ZFPM1: variants seen among roughly 807,000 people sequenced by gnomAD.
ZFPM1 encodes the protein zinc finger protein ZFPM1.
A neutral mutation model predicts 46.3 loss-of-function variants in ZFPM1; 28 were observed. That is an observed-to-expected ratio of 0.60 (90% CI 0.45 to 0.83). The LOEUF (loss-of-function observed/expected upper bound fraction) is 0.83. Ranked by LOEUF, ZFPM1 falls within the 40% of genes least tolerant of loss-of-function variation. The pLI, the probability that ZFPM1 is intolerant of heterozygous loss-of-function variation, is 0.00. For synonymous variants in ZFPM1, 957 were observed against 675.9 expected (o/e 1.42, Z -6.45); for missense variants, 1,878 against 1,432.4 (o/e 1.31, Z -5.02).
At position 88,534,920 on chromosome 16, in the gene ZFPM1, A is replaced by G; in HGVS notation, c.2962A>G (p.Thr988Ala). 6.4e-7 allele frequency: 1 copy of G among 1,551,966 alleles called. No individual in the cohort carries two copies. The highest frequency in any genetic ancestry group is 8.7e-7 in the Non-Finnish European group (1 of 1,151,134). Reference sequence around the variant, plus strand: ...CAACATCAAGTTCAGCAGCCTGTCCACCTTCATCGCCCACAAGAAGTATTA... The same window carrying G: ...CAACATCAAGTTCAGCAGCCTGTCCGCCTTCATCGCCCACAAGAAGTATTA... ...LCNIKFSSLSTFIAHKKYYCS... is the reference protein window; with the variant it reads ...LCNIKFSSLSAFIAHKKYYCS... The change falls in exon 10 of 10, where the codon ACC (threonine) becomes GCC (alanine). Residue 988 changes from threonine (T) to alanine (A), a missense_variant. Thr to Ala is a moderately conservative substitution (Grantham distance 58, BLOSUM62 0). Coordinates refer to ENST00000319555, the MANE Select transcript of ZFPM1 (RefSeq NM_153813.3).
chr16:88,471,428 AC>A lies in ZFPM1; in HGVS notation c.41-14507del, dbSNP rs774377223. 6.7e-5 allele frequency among the ~76,000 whole-genome samples: 10 copies of A among 148,884 alleles called. No homozygotes were observed. The highest frequency in any genetic ancestry group is 1.3e-4 in the Non-Finnish European group (9 of 67,678). On this transcript the variant is annotated intron_variant, in intron 1 of 9. Transcript: ENST00000319555. The surrounding 1 kb of genome is among the most constrained non-coding windows in gnomAD (Gnocchi z 4.1). ...TCCCACGCATAGTGGGGGGGCCAAG[AC>A]CCCAAGATGACCATGGCTGCGGTGG...
intron 3 of ZFPM1, among the ~76,000 whole-genome samples, chr16:88,512,612 C>T (rs987295711): frequency 6.6e-6 from 1 of 152,146 alleles, no homozygotes; most frequent in African/African-American, 2.4e-5. Flanking sequence ...CACGAAGCTC[C>T]AAGCGTTTCT....
chr16:88,483,522 T>C (rs1326540595), intron 1 of ZFPM1, among the ~76,000 whole-genome samples: 1 of 149,614 alleles, frequency 6.7e-6, no homozygotes, highest in Non-Finnish European at 1.5e-5. Flanking sequence ...CACTGTTCCC[T>C]CCGAGATCTA....
rs543497182 is a variant in ZFPM1 at position 88,505,850 on chromosome 16, G to A, written c.269-8537G>A. Among the ~76,000 whole-genome samples, 234 of 152,242 alleles carry A rather than the reference G, an allele frequency of 1.5e-3. No individual in the cohort carries two copies. In the Middle Eastern group the frequency reaches 0.02, roughly 13 times the overall value. ...CCACCTCTAGCAGAGAGAGAGCCTC[G>A]GCAGGTGCAGCCGCCGGCAGGGCCC... is the stretch of plus-strand genomic sequence containing the variant. On this transcript the variant is annotated intron_variant, in intron 3 of 9. Coordinates refer to ENST00000319555, the MANE Select transcript of ZFPM1 (RefSeq NM_153813.3).
In ZFPM1 at chr16:88,533,361, A is replaced by C; in HGVS notation, c.1403A>C (p.Glu468Ala). 1 of 1,530,526 alleles carries C rather than the reference A, an allele frequency of 6.5e-7. No individual in the cohort carries two copies. The highest frequency in any genetic ancestry group is 2.5e-5 in the East Asian group (1 of 39,928). The allele number at this position is 1,530,526 out of a possible 1,614,324, so 94.8% of individuals were successfully genotyped here. A position where few individuals can be genotyped will look rare whatever the true frequency, so the allele number is the denominator to read the frequency against. ...AGGAGCATCAAGGTGGAGGCGGTGG[A>C]GGAGCCGGAGGCGGCCCCCATCCTG... ...APRSIKVEAV[E>A]EPEAAPILGP... The change falls in exon 10 of 10, where the codon GAG (glutamate) becomes GCG (alanine). Residue 468 changes from glutamate (E) to alanine (A), a missense_variant. Glu to Ala is a moderately radical substitution (Grantham distance 107). Coordinates refer to ENST00000319555, the MANE Select transcript of ZFPM1 (RefSeq NM_153813.3).
chr16:88,533,221 G>T lies in ZFPM1; in HGVS notation c.1263G>T (p.Ala421=). ...GPLASADLGL[A]PTPSPGLDRK... ...TGGCCTCCGCGGACCTGGGCCTGGCGCCCACCCCATCGCCAGGACTGGACA... is the reference window on the plus strand; with the variant it reads ...TGGCCTCCGCGGACCTGGGCCTGGCTCCCACCCCATCGCCAGGACTGGACA... Residue 421 remains alanine (A), a synonymous_variant, in exon 10 of 10, where the codon GCG becomes GCT. Transcript: ENST00000319555. 6.4e-7 allele frequency: 1 copy of T among 1,562,336 alleles called. No individual in the cohort carries two copies. The highest frequency in any genetic ancestry group is 1.9e-5 in the Admixed American group (1 of 53,516).
At position 88,533,584 on chromosome 16, in the gene ZFPM1, C is replaced by T. The variant is rs1912985982; in HGVS notation, c.1626C>T (p.Ile542=). Residue 542 remains isoleucine (I), a synonymous_variant, in exon 10 of 10, where the codon ATC becomes ATT. Coordinates refer to ENST00000319555, the MANE Select transcript of ZFPM1 (RefSeq NM_153813.3). The stretch of plus-strand genomic sequence containing the variant: ...ACGCGGCGCCCCCCGCCTCGGAGAT[C>T]CTGGCCAAGATGTCCGAGCTGGTGC... ...GPDAAPPASE[I]LAKMSELVHS... 1.3e-6 allele frequency: 2 copies of T among 1,500,706 alleles called. No homozygotes were observed. The highest frequency in any genetic ancestry group is 1.2e-5 in the South Asian group (1 of 82,446). The allele number at this position is 1,500,706 out of a possible 1,614,324, so 93.0% of individuals were successfully genotyped here.
chr16:88,465,969 G>C lies in ZFPM1; in HGVS notation c.40+12291G>C, dbSNP rs532645325. 2.6e-5 allele frequency among the ~76,000 whole-genome samples: 4 copies of C among 152,326 alleles called. No individual in the cohort carries two copies. In the South Asian group the frequency reaches 6.2e-4, roughly 24 times the overall value. ...GGGTGCCAAGGGGCCCGCCGTGCAC[G>C]GGGGAAACCAAGGCCACGCAGCTAC... On this transcript the variant is annotated intron_variant, in intron 1 of 9. Coordinates refer to ENST00000319555, the MANE Select transcript of ZFPM1 (RefSeq NM_153813.3).
At position 88,514,519 on chromosome 16, in the gene ZFPM1, C is replaced by G; in HGVS notation, c.401C>G (p.Pro134Arg). The G allele has an allele frequency of 6.4e-7, 1 of 1,557,130 alleles. No individual in the cohort carries two copies. The highest frequency in any genetic ancestry group is 8.7e-7 in the Non-Finnish European group (1 of 1,151,354). Residue 134 changes from proline to arginine, a missense_variant and splice_region_variant, in exon 4 of 10, where the codon CCG becomes CGG. Physicochemically the swap from Pro to Arg is moderately radical, Grantham distance 103. Transcript: ENST00000319555. Reference sequence around the variant, plus strand: ...GCCTCATCCCCCAGGCAGGCGGAGCCGGTAAGAAGCCCCCATCCCCGCCCC... The same window carrying G: ...GCCTCATCCCCCAGGCAGGCGGAGCGGGTAAGAAGCCCCCATCCCCGCCCC... ...TRASSPRQAE[P>R]SPALTLLLVD...
intron 6 of ZFPM1, among the ~76,000 whole-genome samples, chr16:88,528,628 G>C (rs1170452861): frequency 1.3e-5 from 2 of 152,196 alleles, no homozygotes; most frequent in Non-Finnish European, 2.9e-5. Flanking sequence ...CACAGTGGAG[G>C]TGTCCCTGGA....
At chr16:88,482,772 C>A (rs1219344194) in intron 1 of ZFPM1, among the ~76,000 whole-genome samples, 1 of 152,206 alleles carries the variant, frequency 6.6e-6, no homozygotes, top group African/African-American at 2.4e-5. Context: ...TCCTGGGCAG[C>A]CCCTCCCAGC....
chr16:88,517,774 ATGGATGGATGAATGAATGGGTGGG>A (rs1911442484), intron 4 of ZFPM1, among the ~76,000 whole-genome samples: 2 of 120,694 alleles, frequency 1.7e-5, no homozygotes, highest in Non-Finnish European at 3.3e-5. Context: ...GGGTGGGTAG[ATGGATGGATGAATGAATGGGTGGG>A]TGGCTGAAAG....
chr16:88,519,549 A>AGGAT (rs373170487), intron 4 of ZFPM1, among the ~76,000 whole-genome samples: 53 of 109,802 alleles, frequency 4.8e-4, no homozygotes, highest in African/African-American at 1.0e-3. Context: ...GGTGGCTGAA[A>AGGAT]GGATGGATGG....
intron 1 of ZFPM1, among the ~76,000 whole-genome samples, chr16:88,465,315 G>GC (rs753903347): frequency 1.3e-5 from 2 of 152,266 alleles, no homozygotes; most frequent in Non-Finnish European, 2.9e-5. Context: ...AGTAACCGTG[G>GC]CCCACAGGCC....
In ZFPM1 at chr16:88,533,189, G is replaced by C. The variant is rs773743791; in HGVS notation, c.1231G>C (p.Gly411Arg). Residue 411 changes from glycine to arginine, a missense_variant, in exon 10 of 10, where the codon GGC becomes CGC. By Grantham distance (125) the Gly-to-Arg change is moderately radical. Coordinates refer to ENST00000319555, the MANE Select transcript of ZFPM1 (RefSeq NM_153813.3). ...CCAGCAGCAGCACACGGCCCTGCAA[G>C]GCCCCCTGGCCTCCGCGGACCTGGG... ...SFQQQHTALQ[G>R]PLASADLGLA... 2 of 1,533,136 alleles carry C rather than the reference G, an allele frequency of 1.3e-6. No homozygotes were observed. Among genetic ancestry groups the C allele is most frequent in the Non-Finnish European group, 1.7e-6 (2 of 1,149,912 alleles). The allele number at this position is 1,533,136 out of a possible 1,614,324, so 95.0% of individuals were successfully genotyped here.
intron 2 of ZFPM1, among the ~76,000 whole-genome samples, chr16:88,486,315 A>G (rs1909221564): frequency 1.3e-5 from 2 of 152,230 alleles, no homozygotes; most frequent in Non-Finnish European, 2.9e-5. Context: ...CAGATGGGGC[A>G]GGTCTGGCCC....
intron 1 of ZFPM1, 74 bp from the exon 2 acceptor site, chr16:88,485,865 T>C (rs1167463532): frequency 1.4e-6 from 2 of 1,447,216 alleles, no homozygotes; most frequent in Admixed American, 1.8e-5. Flanking sequence ...GCTGTACCTA[T>C]GCCAGGAGGG....
At position 88,533,473 on chromosome 16, in the gene ZFPM1, C is replaced by T; in HGVS notation, c.1515C>T (p.Ser505=). 7.1e-7 allele frequency: 1 copy of T among 1,409,928 alleles called. No homozygotes were observed. Among genetic ancestry groups the T allele is most frequent in the Non-Finnish European group, 9.2e-7 (1 of 1,089,574 alleles). The allele number at this position is 1,409,928 out of a possible 1,614,324, so 87.3% of individuals were successfully genotyped here. ...CGGCCAGGGTCAAGGCCGAGCTGTCCAGCCCCACGCCGGGCTCCAGCCCGG... is the reference window on the plus strand; with the variant it reads ...CGGCCAGGGTCAAGGCCGAGCTGTCTAGCCCCACGCCGGGCTCCAGCCCGG... ...PAPARVKAEL[S]SPTPGSSPVP... Residue 505 remains serine, a synonymous_variant, in exon 10 of 10, where the codon TCC becomes TCT. Coordinates refer to ENST00000319555, the MANE Select transcript of ZFPM1 (RefSeq NM_153813.3).
At chr16:88,481,453 C>T (rs1027814723) in intron 1 of ZFPM1, among the ~76,000 whole-genome samples, 11 of 151,080 alleles carry the variant, frequency 7.3e-5, no homozygotes, top group Admixed American at 1.3e-4. Context: ...CGCCGGGGGC[C>T]GTGGACAGGG....
Sources: allele counts gnomAD v4.1 joint callset (sites outside exome capture counted in the v4.1 genomes callset), GRCh38; gene constraint gnomAD v4.1.1; non-coding constraint Gnocchi (gnomAD v3.1); transcripts MANE v1.5; gene names NCBI Gene and HGNC (gene_info 2026-07-23, HGNC 2026-07-21).